Variants in ROBO2 observed in about 807,000 individuals in gnomAD.
The protein encoded by ROBO2 is roundabout homolog 2.
Under a neutral mutation model 160.8 loss-of-function variants are expected in ROBO2, and 53 were observed. The observed-to-expected ratio is 0.33, with a 90% CI of 0.26 to 0.41. The LOEUF is 0.41. ROBO2 is among the 10% of genes least tolerant of loss of function. The pLI is 1.00. For missense variants in ROBO2, 1,577 were observed against 1,722.4 expected (o/e 0.92, Z 1.49); for synonymous variants, 664 against 611.7 (o/e 1.09, Z -1.26).
chr3:77,443,188 A>T (rs975997530), intron 2 of ROBO2, among the ~76,000 whole-genome samples: 1 of 152,228 alleles, frequency 6.6e-6, no homozygotes, highest in East Asian at 1.9e-4. Flanking sequence ...AATTGCTTTT[A>T]ATAATACTTG....
intron 2 of ROBO2, among the ~76,000 whole-genome samples, chr3:76,640,301 G>C (rs1453542448): frequency 1.3e-5 from 2 of 152,100 alleles, no homozygotes; most frequent in African/African-American, 4.8e-5. Context: ...GAAGCCTAGG[G>C]GAGCGGATTG....
intron 2 of ROBO2, among the ~76,000 whole-genome samples, chr3:76,132,747 A>G (rs964475386): frequency 1.3e-5 from 2 of 152,200 alleles, no homozygotes; most frequent in African/African-American, 2.4e-5. Context: ...TGAAATGAGA[A>G]GCCACAAAAG....
In ROBO2 at chr3:76,674,069, A is replaced by G. The variant is rs144650222; in HGVS notation, c.110-423945A>G. ...TGAATGTTAAATTGTCATTCATTTT[A>G]TATATTCTAGCCAATCACAAATTTC... On this transcript the variant is annotated intron_variant, in intron 2 of 26. Coordinates refer to the ROBO2 transcript ENST00000487694. Among the ~76,000 whole-genome samples the G allele has an allele frequency of 6.5e-4, 99 of 152,162 alleles. 1 individual carries two copies. The South Asian group carries it at 0.01, about 16-fold the overall frequency.
chr3:76,217,759 C>T (rs1293982277), intron 2 of ROBO2, among the ~76,000 whole-genome samples: 1 of 152,154 alleles, frequency 6.6e-6, no homozygotes, highest in African/African-American at 2.4e-5. Context: ...ACCATTCCTT[C>T]TGAAACTATT....
chr3:76,550,183 TCTAA>T (rs2083331908), intron 2 of ROBO2, among the ~76,000 whole-genome samples: 1 of 152,184 alleles, frequency 6.6e-6, no homozygotes, highest in Admixed American at 6.5e-5. Flanking sequence ...AATGACCACT[TCTAA>T]CTAACTCGTA....
chr3:76,776,425 T>C (rs1365290362), intron 2 of ROBO2, among the ~76,000 whole-genome samples: 2 of 150,970 alleles, frequency 1.3e-5, no homozygotes, highest in Non-Finnish European at 3.0e-5. Context: ...TATAAATAAG[T>C]ATTGTTTTGA....
At chr3:77,420,171 G>A (rs1325638977) in intron 2 of ROBO2, among the ~76,000 whole-genome samples, 1 of 152,060 alleles carries the variant, frequency 6.6e-6, no homozygotes, top group South Asian at 2.1e-4. Flanking sequence ...ATGAAAGGGT[G>A]TTCTCAGTCT....
At chr3:77,223,870 G>A (rs2086145444) in intron 2 of ROBO2, among the ~76,000 whole-genome samples, 1 of 151,272 alleles carries the variant, frequency 6.6e-6, no homozygotes, top group Non-Finnish European at 1.5e-5. Context: ...GGTTAGCTTG[G>A]AATATTGTTT....
chr3:76,771,498 T>C (rs1463565224), intron 2 of ROBO2, among the ~76,000 whole-genome samples: 1 of 151,222 alleles, frequency 6.6e-6, no homozygotes, highest in Non-Finnish European at 1.5e-5. Context: ...GATGTCTTTA[T>C]TCCTAATCAG....
At chr3:77,410,546 CTCCTCTTCT>C (rs1353117895) in intron 2 of ROBO2, among the ~76,000 whole-genome samples, 85 of 130,302 alleles carry the variant, frequency 6.5e-4, no homozygotes, top group African/African-American at 2.2e-3. Flanking sequence ...CCTCTTCTTC[CTCCTCTTCT>C]TCCTCCTCTT....
intron 2 of ROBO2, among the ~76,000 whole-genome samples, chr3:76,304,007 CAG>C (rs2071201032): frequency 1.3e-5 from 2 of 152,298 alleles, no homozygotes; most frequent in African/African-American, 4.8e-5. Flanking sequence ...TTCTCGATAA[CAG>C]TGAAAATAAG....
intron 2 of ROBO2, among the ~76,000 whole-genome samples, chr3:75,940,185 G>A (rs1245457784): frequency 1.3e-5 from 2 of 152,104 alleles, no homozygotes; most frequent in African/African-American, 4.8e-5. Flanking sequence ...GAAACCGTGT[G>A]AGAAATTGTA....
chr3:76,651,266 G>A (rs2091244679), intron 2 of ROBO2, among the ~76,000 whole-genome samples: 1 of 152,024 alleles, frequency 6.6e-6, no homozygotes, highest in South Asian at 2.1e-4. Flanking sequence ...AAGTTCCAGG[G>A]TTCTAGCTCT....
chr3:77,538,980 CA>C (rs1250634611), intron 6 of ROBO2: 2 of 412,912 alleles, frequency 4.8e-6, no homozygotes, highest in Non-Finnish European at 9.7e-6. Flanking sequence ...AGTGGCACAA[CA>C]ATCTCGGCTC....
intron 2 of ROBO2, among the ~76,000 whole-genome samples, chr3:76,746,102 C>T (rs149930463): frequency 1.4e-3 from 208 of 150,890 alleles, no homozygotes; most frequent in Non-Finnish European, 2.2e-3. Context: ...TTTGTTCTTG[C>T]GATAGTTTAC....
At chr3:76,555,379 A>AG (rs2083671891) in intron 2 of ROBO2, among the ~76,000 whole-genome samples, 1 of 55,716 alleles carries the variant, frequency 1.8e-5, no homozygotes, top group East Asian at 2.0e-3. Context: ...GAAGAAGAAG[A>AG]AGAAGAAGAA....
chr3:76,381,556 A>G (rs1435081936), intron 2 of ROBO2, among the ~76,000 whole-genome samples: 1 of 152,004 alleles, frequency 6.6e-6, no homozygotes, highest in African/African-American at 2.4e-5. Flanking sequence ...TCACCATGTT[A>G]GCCAGGGTGA....
chr3:77,523,952 TG>T (rs1248382190), intron 6 of ROBO2, among the ~76,000 whole-genome samples: 1 of 151,274 alleles, frequency 6.6e-6, no homozygotes, highest in African/African-American at 2.4e-5. Context: ...AGTTTGAAGT[TG>T]CAGGAAAGGT....
intron 1 of ROBO2, among the ~76,000 whole-genome samples, chr3:77,042,489 A>G (rs1426478827): frequency 6.6e-6 from 1 of 152,212 alleles, no homozygotes; most frequent in African/African-American, 2.4e-5. Context: ...GTTTTTTTAT[A>G]TAAGCGTTTT....
Sources: allele counts gnomAD v4.1 joint callset (sites outside exome capture counted in the v4.1 genomes callset), GRCh38; gene constraint gnomAD v4.1.1; transcripts MANE v1.5; gene names NCBI Gene and HGNC (gene_info 2026-07-23, HGNC 2026-07-21).